The following AASDHPPT variants were observed in gnomAD, a reference collection of about 807,000 sequenced individuals.
The protein encoded by AASDHPPT is aminoadipate-semialdehyde dehydrogenase-phosphopantetheinyl transferase.
AASDHPPT carries 23 observed loss-of-function variants against 36.4 expected under a neutral mutation model. That is an observed-to-expected ratio of 0.63 (90% CI 0.45 to 0.89). The LOEUF (loss-of-function observed/expected upper bound fraction) is 0.89. Ranked by LOEUF, AASDHPPT falls within the 40% of genes least tolerant of loss-of-function variation. The pLI, the probability that AASDHPPT is intolerant of heterozygous loss-of-function variation, is 0.00. For synonymous variants in AASDHPPT, 115 were observed against 128.0 expected (o/e 0.90, Z 0.68); for missense variants, 377 against 378.2 (o/e 1.00, Z 0.03).
intron 2 of AASDHPPT, among the ~76,000 whole-genome samples, chr11:106,088,515 T>G (rs1369665877): frequency 6.6e-6 from 1 of 152,132 alleles, no homozygotes; most frequent in Non-Finnish European, 1.5e-5. Flanking sequence ...CAAAATCCAT[T>G]CAACAAGAAA....
Position 106,096,882 on chromosome 11 carries a change from C to T in AASDHPPT, c.905C>T (p.Pro302Leu). 1 of 1,608,748 alleles carries T rather than the reference C, an allele frequency of 6.2e-7. No homozygotes were observed. Among genetic ancestry groups the T allele is most frequent in the South Asian group, 1.1e-5 (1 of 90,002 alleles). ...WDCFCFTEEI[P>L]IRNGTKS ...TGTTTTTGCTTCACAGAAGAAATTC[C>T]AATACGAAATGGTACAAAGTCATGA... Residue 302 changes from proline (P) to leucine (L), a missense_variant, in exon 6 of 6, where the codon CCA becomes CTA. Physicochemically the swap from Pro to Leu is moderately conservative, Grantham distance 98. Transcript: ENST00000278618.
intron 4 of AASDHPPT, 66 bp from the exon 5 acceptor site, chr11:106,094,517 G>A (rs908544095): frequency 1.1e-4 from 135 of 1,206,458 alleles, no homozygotes; most frequent in Non-Finnish European, 1.5e-4. Context: ...TTTAGAAAAT[G>A]TAAACAAAGT....
rs893916537 is a variant in AASDHPPT at position 106,077,877 on chromosome 11, A to G, written c.167A>G (p.Asp56Gly). ...ERIGQFVFAR[D>G]AKAAMAGRLM... ...ATTGGCCAGTTCGTCTTTGCCCGGG[A>G]CGCTAAGGCAGCCATGGTACTACAG... Residue 56 changes from aspartate (D) to glycine (G), a missense_variant, in exon 1 of 6, where the codon GAC becomes GGC. Physicochemically the swap from Asp to Gly is moderately conservative, Grantham distance 94. Coordinates refer to ENST00000278618, the MANE Select transcript of AASDHPPT (RefSeq NM_015423.3). 3 of 1,613,950 alleles carry G rather than the reference A, an allele frequency of 1.9e-6. No individual in the cohort carries two copies. Among genetic ancestry groups the G allele is most frequent in the Non-Finnish European group, 2.5e-6 (3 of 1,179,960 alleles).
chr11:106,087,387 A>G (rs1468046259), intron 2 of AASDHPPT, among the ~76,000 whole-genome samples: 1 of 152,130 alleles, frequency 6.6e-6, no homozygotes, highest in African/African-American at 2.4e-5. Flanking sequence ...ATATAATTCT[A>G]TTATATACAG....
At chr11:106,080,838 T>C (rs572357447) in intron 2 of AASDHPPT, among the ~76,000 whole-genome samples, 5 of 152,320 alleles carry the variant, frequency 3.3e-5, no homozygotes, top group Non-Finnish European at 5.9e-5. Context: ...TATCTCTCAC[T>C]CCCATTTCTG....
In AASDHPPT at chr11:106,097,053, A is replaced by C; in HGVS notation, c.*146A>C. On this transcript the variant is annotated 3_prime_UTR_variant, in exon 6 of 6. Coordinates refer to ENST00000278618, the MANE Select transcript of AASDHPPT (RefSeq NM_015423.3). ...TTTTCCAATTAAAAAAAAAAAGCAG[A>C]CTTCTGGTTCAAGATAGCTCACTGG... 1 of 798,958 alleles carries C rather than the reference A, an allele frequency of 1.3e-6. No individual in the cohort carries two copies. Among genetic ancestry groups the C allele is most frequent in the South Asian group, 2.2e-5 (1 of 46,126 alleles). 49.5% of individuals were successfully genotyped at this position (798,958 alleles called of 1,614,324 possible). A position where few individuals can be genotyped will look rare whatever the true frequency, so the allele number is the denominator to read the frequency against.
intron 2 of AASDHPPT, among the ~76,000 whole-genome samples, chr11:106,085,587 A>G (rs575559027): frequency 6.6e-6 from 1 of 152,262 alleles, no homozygotes; most frequent in Non-Finnish European, 1.5e-5. Context: ...TGTTGTTAAG[A>G]TATGAAATGC....
At chr11:106,083,551 G>T (rs1401622109) in intron 2 of AASDHPPT, among the ~76,000 whole-genome samples, 3 of 152,112 alleles carry the variant, frequency 2.0e-5, no homozygotes, top group Non-Finnish European at 4.4e-5. Flanking sequence ...TATAGTAAGG[G>T]TCTTGCCTTA....
chr11:106,083,445 G>T (rs1256266927), intron 2 of AASDHPPT, among the ~76,000 whole-genome samples: 1 of 152,126 alleles, frequency 6.6e-6, no homozygotes, highest in Non-Finnish European at 1.5e-5. Context: ...CCTATTAAAA[G>T]AATTTGCAGA....
chr11:106,085,297 T>C (rs1428585509), intron 2 of AASDHPPT, among the ~76,000 whole-genome samples: 1 of 151,988 alleles, frequency 6.6e-6, no homozygotes, highest in Non-Finnish European at 1.5e-5. Flanking sequence ...GAGATGGGGT[T>C]TCACTGTGTT....
rs1861317798 is a variant in AASDHPPT, at chr11:106,096,724, A to G, written c.766-19A>G. 4 of 1,550,246 alleles carry G rather than the reference A, an allele frequency of 2.6e-6. No homozygotes were observed. The highest frequency in any genetic ancestry group is 1.4e-5 in the African/African-American group (1 of 71,580). On this transcript the variant is annotated intron_variant, in intron 5 of 5. Coordinates refer to ENST00000278618, the MANE Select transcript of AASDHPPT (RefSeq NM_015423.3). ...TAACATGCAATATAACAATAAGGTA[A>G]TCTGCTTTTGTCTTTTAGGTTCCAT...
chr11:106,094,520 A>C (rs994550963), intron 4 of AASDHPPT, 63 bp from the exon 5 acceptor site: 24 of 1,260,940 alleles, frequency 1.9e-5, no homozygotes, highest in Non-Finnish European at 2.4e-5. Context: ...AGAAAATGTA[A>C]ACAAAGTTAC....
At chr11:106,085,266 T>A (rs909072268) in intron 2 of AASDHPPT, among the ~76,000 whole-genome samples, 2 of 152,094 alleles carry the variant, frequency 1.3e-5, no homozygotes, top group Non-Finnish European at 2.9e-5. Context: ...GACGCCCGGC[T>A]AATTTTTTGT....
chr11:106,088,166 A>G (rs1233015019), intron 2 of AASDHPPT, among the ~76,000 whole-genome samples: 1 of 152,162 alleles, frequency 6.6e-6, no homozygotes, highest in Non-Finnish European at 1.5e-5. Flanking sequence ...TTTTGGCTGT[A>G]CATAATGAGT....
In AASDHPPT at chr11:106,094,923, C is replaced by G. The variant is rs1279233614; in HGVS notation, c.765+269C>G. 2.0e-5 allele frequency among the ~76,000 whole-genome samples: 3 copies of G among 152,144 alleles called. No homozygotes were observed. The East Asian group carries it at 5.8e-4, about 29-fold the overall frequency. On this transcript the variant is annotated intron_variant, in intron 5 of 5. Coordinates refer to ENST00000278618, the MANE Select transcript of AASDHPPT (RefSeq NM_015423.3). ...GGCGGATCACCTGAGGTCAGGAGTT[C>G]CAGACCAGCCTGACCAACATGGAGA...
chr11:106,096,434 G>T, intron 5 of AASDHPPT: 1 of 191,180 alleles, frequency 5.2e-6, no homozygotes, highest in Non-Finnish European at 1.1e-5. Flanking sequence ...TACAGATTTT[G>T]ATATCCCTTC....
chr11:106,089,962 T>C (rs1305623093), intron 2 of AASDHPPT, among the ~76,000 whole-genome samples: 1 of 152,028 alleles, frequency 6.6e-6, no homozygotes, highest in Non-Finnish European at 1.5e-5. Flanking sequence ...TAAGTCATAT[T>C]AGAAAACAAG....
Position 106,090,669 on chromosome 11 carries a change from T to C in AASDHPPT, c.522T>C (p.Tyr174=). ...AGTGGACTCAGCTGGATATGTTTTA[T>C]AGGAATTGGGTATAATTCTTTCTAA... The part of the protein sequence containing the change: ...KDEWTQLDMF[Y]RNWALKESFI... The change falls in exon 3 of 6, where the codon TAT becomes TAC. Residue 174 remains tyrosine (Y), a synonymous_variant. Coordinates refer to ENST00000278618, the MANE Select transcript of AASDHPPT (RefSeq NM_015423.3). 1 of 1,585,664 alleles carries C rather than the reference T, an allele frequency of 6.3e-7. No homozygotes were observed. The highest frequency in any genetic ancestry group is 8.6e-7 in the Non-Finnish European group (1 of 1,168,222).
At chr11:106,095,133 G>C (rs1179999927) in intron 5 of AASDHPPT, among the ~76,000 whole-genome samples, 1 of 152,002 alleles carries the variant, frequency 6.6e-6, no homozygotes, top group Non-Finnish European at 1.5e-5. Context: ...TCAAAAAAAA[G>C]AAATGTTACC....
Sources: gnomAD v4.1 joint callset for allele counts (sites outside exome capture counted in the v4.1 genomes callset) on GRCh38, gnomAD v4.1.1 for gene constraint, MANE v1.5 for transcripts, NCBI Gene and HGNC (gene_info 2026-07-23, HGNC 2026-07-21) for gene names.